The following TMEM144 variants were observed in gnomAD, a reference collection of about 807,000 sequenced individuals.
The protein encoded by TMEM144 is transmembrane protein 144.
In TMEM144, 39 loss-of-function variants were observed where a neutral mutation model predicts 43.6. The ratio of observed to expected loss-of-function variants is 0.90; its 90% CI spans 0.69 to 1.17. The LOEUF is 1.17. Ranked by LOEUF, TMEM144 falls within the 50% of genes most tolerant of loss-of-function variation. The pLI, the probability that TMEM144 is intolerant of heterozygous loss-of-function variation, is 0.00. For synonymous variants in TMEM144, 154 were observed against 133.6 expected, an observed-to-expected ratio of 1.15 and a Z score of -1.06; for missense variants, 417 against 411.9, an observed-to-expected ratio of 1.01 and a Z score of -0.11.
rs535880133 is a variant in TMEM144, at chr4:158,241,123, A to T, written c.803-386A>T. ...GCTGGTAGTTTTACTTAAATACTAC[A>T]GGTTTTTTTTTTTTCTTAGCCGTAG... On this transcript the variant is annotated intron_variant, in intron 10 of 12. Transcript: ENST00000296529. 2.7e-5 allele frequency among the ~76,000 whole-genome samples: 4 copies of T among 150,220 alleles called. No individual in the cohort carries two copies. The East Asian group carries it at 7.8e-4, about 29-fold the overall frequency.
At chr4:158,244,989 C>T (rs1735814658) in intron 12 of TMEM144, among the ~76,000 whole-genome samples, 2 of 151,868 alleles carry the variant, frequency 1.3e-5, no homozygotes, top group African/African-American at 4.8e-5. Flanking sequence ...ATATGATAAA[C>T]AAGATGAAAG....
At chr4:158,230,365 C>T (rs185891955) in intron 6 of TMEM144, among the ~76,000 whole-genome samples, 11 of 152,270 alleles carry the variant, frequency 7.2e-5, no homozygotes, top group African/African-American at 2.6e-4. Flanking sequence ...GAAGGAGTCA[C>T]ACACTAATTA....
At chr4:158,253,316 A>G (rs545989642) in intron 12 of TMEM144, 128 bp from the exon 13 acceptor site, 23 of 673,666 alleles carry the variant, frequency 3.4e-5, no homozygotes, top group Non-Finnish European at 5.4e-5. Context: ...ATTACTTGGA[A>G]GGGGTAGCAA....
intron 6 of TMEM144, among the ~76,000 whole-genome samples, chr4:158,228,339 C>G (rs1254853552): frequency 6.6e-6 from 1 of 150,684 alleles, no homozygotes; most frequent in Non-Finnish European, 1.5e-5. Flanking sequence ...GGGCAAGTTC[C>G]CAAGACTGGT....
intron 10 of TMEM144, 136 bp downstream of exon 10, chr4:158,240,554 G>A (rs546439212): frequency 1.1e-6 from 1 of 877,336 alleles, no homozygotes; most frequent in Non-Finnish European, 1.6e-6. Context: ...GTGTGTGTGT[G>A]TGTGCATGTT....
chr4:158,221,549 G>A (rs1734511407), intron 6 of TMEM144, among the ~76,000 whole-genome samples: 2 of 152,152 alleles, frequency 1.3e-5, no homozygotes, highest in Non-Finnish European at 2.9e-5. Flanking sequence ...CTTTCTTGAA[G>A]ATCCAGAAGC....
At chr4:158,244,642 T>C (rs942117675) in intron 12 of TMEM144, among the ~76,000 whole-genome samples, 1 of 152,060 alleles carries the variant, frequency 6.6e-6, no homozygotes, top group Non-Finnish European at 1.5e-5. Flanking sequence ...TGCCCTCCAG[T>C]CTGGGCAAAA....
intron 12 of TMEM144, among the ~76,000 whole-genome samples, chr4:158,252,863 G>T (rs1352106217): frequency 1.3e-5 from 2 of 151,554 alleles, no homozygotes; most frequent in African/African-American, 4.8e-5. Context: ...CATAACAAGT[G>T]CTCAGGTCCA....
intron 11 of TMEM144, 58 bp downstream of exon 11, chr4:158,241,664 C>A: frequency 7.1e-7 from 1 of 1,414,258 alleles, no homozygotes; most frequent in Non-Finnish European, 1.0e-6. Flanking sequence ...CCCAATTTTT[C>A]TGAAGCACTC....
intron 9 of TMEM144, among the ~76,000 whole-genome samples, chr4:158,238,860 A>C (rs1481505026): frequency 6.6e-6 from 1 of 152,210 alleles, no homozygotes. Flanking sequence ...ATGGCTTCTT[A>C]GGGATCTTGC....
chr4:158,215,608 AT>A (rs1451480887), intron 4 of TMEM144, among the ~76,000 whole-genome samples: 2 of 152,198 alleles, frequency 1.3e-5, no homozygotes, highest in African/African-American at 4.8e-5. Context: ...CTCATATATT[AT>A]TTTAATGTGT....
At chr4:158,249,887 G>GGTGTGTGTGTGTGTGTGT (rs149144602) in intron 12 of TMEM144, among the ~76,000 whole-genome samples, 2,028 of 134,436 alleles carry the variant, frequency 0.015, 38 homozygotes, top group Non-Finnish European at 0.022. Context: ...CCTACTGCCA[G>GGTGTGTGTGTGTGTGTGT]GTGTGTGTGT....
At chr4:158,244,120 T>C (rs556808593) in intron 11 of TMEM144, among the ~76,000 whole-genome samples, 176 bp from the exon 12 acceptor site, 35 of 152,170 alleles carry the variant, frequency 2.3e-4, no homozygotes, top group Non-Finnish European at 4.9e-4. Context: ...TGAAAAAAAG[T>C]CTTCATTTTT....
chr4:158,245,696 G>A (rs999354211), intron 12 of TMEM144, among the ~76,000 whole-genome samples: 10 of 149,760 alleles, frequency 6.7e-5, no homozygotes, highest in African/African-American at 2.5e-4. Flanking sequence ...CAGCACTTGC[G>A]GGAGGATTGC....
At chr4:158,229,863 C>T (rs1734982713) in intron 6 of TMEM144, among the ~76,000 whole-genome samples, 1 of 152,250 alleles carries the variant, frequency 6.6e-6, no homozygotes, top group Admixed American at 6.5e-5. Flanking sequence ...AGTGGAAAAG[C>T]ATGGCCTGGA....
intron 9 of TMEM144, among the ~76,000 whole-genome samples, chr4:158,239,588 G>C (rs1735522454): frequency 6.6e-6 from 1 of 152,180 alleles, no homozygotes. Context: ...TGTAAAGTTA[G>C]CACCCCCAAT....
chr4:158,212,184 A>C (rs1359642651), intron 2 of TMEM144: 1 of 152,254 alleles, frequency 6.6e-6, no homozygotes, highest in Non-Finnish European at 1.5e-5. Flanking sequence ...TCGGGAAACT[A>C]AAAATCTGAA....
At chr4:158,210,922 A>G (rs1180224928) in intron 1 of TMEM144, 1 of 152,076 alleles carries the variant, frequency 6.6e-6, no homozygotes, top group East Asian at 1.9e-4. Flanking sequence ...GTAATAAAAT[A>G]AAAATGAATT....
chr4:158,219,245 C>T, intron 5 of TMEM144, 65 bp from the exon 6 acceptor site: 1 of 1,523,604 alleles, frequency 6.6e-7, no homozygotes, highest in Non-Finnish European at 9.1e-7. Flanking sequence ...CTAGTCCATG[C>T]CCTTAAACAT....
Sources: allele counts gnomAD v4.1 joint callset (sites outside exome capture counted in the v4.1 genomes callset), GRCh38; gene constraint gnomAD v4.1.1; transcripts MANE v1.5; gene names NCBI Gene and HGNC (gene_info 2026-07-23, HGNC 2026-07-21).